AFF3: variants seen among roughly 807,000 people sequenced by gnomAD.
AFF3 encodes AF4/FMR2 family member 3.
Under a neutral mutation model 129.7 loss-of-function variants are expected in AFF3, and 32 were observed. The ratio of observed to expected loss-of-function variants is 0.25; its 90% CI spans 0.19 to 0.33. The LOEUF (loss-of-function observed/expected upper bound fraction) is 0.33, where lower values mean the gene tolerates loss of function less well. AFF3 is among the 10% of genes least tolerant of loss of function. The pLI is 1.00. For missense variants in AFF3, 1,373 were observed against 1,592.0 expected (o/e 0.86, Z 2.34); for synonymous variants, 644 against 635.4 (o/e 1.01, Z -0.20).
chr2:99,932,850 A>C (rs1186582318), intron 7 of AFF3, among the ~76,000 whole-genome samples: 1 of 152,214 alleles, frequency 6.6e-6, no homozygotes, highest in Non-Finnish European at 1.5e-5. Flanking sequence ...CTTCTCCATT[A>C]ATCATAGTTT....
rs34769933 is a variant in AFF3 at position 100,108,908 on chromosome 2, CTTT to C, written c.-144-3328_-144-3326del. Among the ~76,000 whole-genome samples, 728 of 88,070 alleles carry C rather than the reference CTTT, an allele frequency of 8.3e-3. 16 individuals are homozygous for C. The highest frequency in any genetic ancestry group is 0.03 in the African/African-American group (682 of 23,008). 57.8% of individuals were successfully genotyped at this position (88,070 alleles called of 152,430 possible). A position where few individuals can be genotyped will look rare whatever the true frequency, so the allele number is the denominator to read the frequency against. ...GTTTCTGGGAATGTGCATTTCTTTC[CTTT>C]TTTTTTTTTTTTTTTTTTTTTTTTA... On this transcript the variant is annotated intron_variant, in intron 2 of 24. Coordinates refer to ENST00000672756, the MANE Select transcript of AFF3 (RefSeq NM_001386135.1).
chr2:99,934,444 A>G (rs1371641612), intron 7 of AFF3, among the ~76,000 whole-genome samples: 2 of 152,176 alleles, frequency 1.3e-5, no homozygotes, highest in Non-Finnish European at 2.9e-5. Flanking sequence ...AAAACAACAG[A>G]CAAACCTCCA....
At chr2:100,105,796 C>T (rs1240715855) in intron 2 of AFF3, 1 of 1,353,680 alleles carries the variant, frequency 7.4e-7, no homozygotes, top group Non-Finnish European at 9.8e-7. Context: ...GCCACAGCTC[C>T]GGATTCTCAC....
At chr2:99,658,048 A>T (rs1575617050) in intron 12 of AFF3, among the ~76,000 whole-genome samples, 1 of 152,226 alleles carries the variant, frequency 6.6e-6, no homozygotes, top group East Asian at 1.9e-4. Flanking sequence ...CTTGCTCCAA[A>T]GCACGTGGCT....
At chr2:99,626,360 CCT>C (rs1485855005) in intron 13 of AFF3, among the ~76,000 whole-genome samples, 3 of 145,176 alleles carry the variant, frequency 2.1e-5, no homozygotes, top group East Asian at 4.1e-4. Context: ...TTCCTTCCTT[CCT>C]CTTTCCTCCC....
Position 99,850,816 on chromosome 2 carries a change from AC to A in AFF3, c.874-13293del, listed in dbSNP as rs1192956045. Reference sequence around the variant, plus strand: ...TACAAAGATTATTTATTCTAAAAGTACCAATCTAAAATTATGAAATAAGAGT... The same window carrying A: ...TACAAAGATTATTTATTCTAAAAGTACAATCTAAAATTATGAAATAAGAGT... On this transcript the variant is annotated intron_variant, in intron 7 of 24. Transcript: ENST00000672756. Among the ~76,000 whole-genome samples, 3 of 152,354 alleles carry A rather than the reference AC, an allele frequency of 2.0e-5. No homozygotes were observed. The East Asian group carries it at 5.8e-4, about 29-fold the overall frequency.
intron 8 of AFF3, among the ~76,000 whole-genome samples, chr2:99,785,808 C>T (rs557294860): frequency 3.1e-4 from 47 of 152,196 alleles, no homozygotes; most frequent in African/African-American, 1.1e-3. Context: ...AGTGCAATGG[C>T]GCAATCTCAG....
intron 12 of AFF3, among the ~76,000 whole-genome samples, chr2:99,659,731 C>T (rs370322866): frequency 1.2e-4 from 19 of 152,080 alleles, no homozygotes; most frequent in Admixed American, 5.2e-4. Context: ...CGTATGCACA[C>T]GATGAAGCTT....
chr2:100,050,345 G>A (rs1167063808), intron 4 of AFF3, among the ~76,000 whole-genome samples: 1 of 152,004 alleles, frequency 6.6e-6, no homozygotes, highest in Non-Finnish European at 1.5e-5. Context: ...TTGGGATAGG[G>A]TCTTGCTCTG....
At chr2:99,845,984 C>T (rs1362058621) in intron 7 of AFF3, among the ~76,000 whole-genome samples, 2 of 151,932 alleles carry the variant, frequency 1.3e-5, no homozygotes, top group African/African-American at 2.4e-5. Flanking sequence ...AGGTGCCCAC[C>T]ATCACACCCG....
intron 4 of AFF3, among the ~76,000 whole-genome samples, chr2:100,011,001 G>A (rs141865777): frequency 0.019 from 2,890 of 152,282 alleles, 99 homozygotes; most frequent in African/African-American, 0.065. Context: ...GCAGCCGGGC[G>A]CTGTGGCTCA....
At chr2:99,956,576 C>G (rs899480167) in intron 7 of AFF3, among the ~76,000 whole-genome samples, 1 of 152,216 alleles carries the variant, frequency 6.6e-6, no homozygotes, top group Non-Finnish European at 1.5e-5. Flanking sequence ...CCCTCACCTG[C>G]AAAGCCTTGT....
chr2:99,948,596 G>T (rs1576411133), intron 7 of AFF3, among the ~76,000 whole-genome samples: 2 of 152,168 alleles, frequency 1.3e-5, no homozygotes, highest in Non-Finnish European at 2.9e-5. Context: ...ACTTAAATCA[G>T]CTTTTTGCAG....
At chr2:99,785,609 C>T (rs999885309) in intron 8 of AFF3, among the ~76,000 whole-genome samples, 7 of 152,172 alleles carry the variant, frequency 4.6e-5, no homozygotes, top group Non-Finnish European at 1.0e-4. Context: ...GTTCTAAAAA[C>T]TGTTGTAGAT....
intron 13 of AFF3, among the ~76,000 whole-genome samples, chr2:99,610,257 C>T (rs1410604679): frequency 2.0e-5 from 3 of 152,156 alleles, no homozygotes; most frequent in Non-Finnish European, 4.4e-5. Flanking sequence ...CTCATGACAC[C>T]CTTTTAGGAG....
At chr2:99,897,059 T>A (rs528495523) in intron 7 of AFF3, among the ~76,000 whole-genome samples, 7 of 152,328 alleles carry the variant, frequency 4.6e-5, no homozygotes, top group East Asian at 1.9e-4. Flanking sequence ...ATAATTTTTT[T>A]AATTGTATTG....
rs889777915 is a variant in AFF3, at chr2:99,549,000, C to T, written c.*2474G>A. On this transcript the variant is annotated 3_prime_UTR_variant, in exon 25 of 25. Transcript: ENST00000672756. ...AGTTTTCCTGGGAAATGTGGGCCAT[C>T]AGAGTGCTGATAAAACACTGCTGGC... 4.3e-6 allele frequency: 1 copy of T among 229,910 alleles called. No homozygotes were observed. The highest frequency in any genetic ancestry group is 8.6e-6 in the Non-Finnish European group (1 of 115,970). The allele number at this position is 229,910 out of a possible 1,614,324, so 14.2% of individuals were successfully genotyped here.
intron 8 of AFF3, among the ~76,000 whole-genome samples, chr2:99,759,412 GAAGT>G (rs1316200787): frequency 6.9e-6 from 1 of 145,870 alleles, no homozygotes; most frequent in Non-Finnish European, 1.5e-5. Context: ...ATCGCCTAAA[GAAGT>G]AATATAAATT....
intron 12 of AFF3, among the ~76,000 whole-genome samples, chr2:99,665,885 A>T (rs1352064083): frequency 6.6e-6 from 1 of 152,216 alleles, no homozygotes; most frequent in African/African-American, 2.4e-5. Context: ...ACAGTGTTCA[A>T]TGCTGTAAGT....
Sources: gnomAD v4.1 joint callset for allele counts (sites outside exome capture counted in the v4.1 genomes callset) on GRCh38, gnomAD v4.1.1 for gene constraint, MANE v1.5 for transcripts, NCBI Gene and HGNC (gene_info 2026-07-23, HGNC 2026-07-21) for gene names.